ASB17: variants seen among roughly 807,000 people sequenced by gnomAD.
ASB17 encodes the protein ankyrin repeat and SOCS box protein 17.
Under a neutral mutation model 25.7 loss-of-function variants are expected in ASB17, and 26 were observed. That is an observed-to-expected ratio of 1.01 (90% CI 0.74 to 1.40). The LOEUF (loss-of-function observed/expected upper bound fraction) is 1.40, where lower values mean the gene tolerates loss of function less well. Among genes scored for constraint, ASB17 ranks in the 40% most tolerant of loss-of-function variants. ASB17 has a pLI of 0.00. For synonymous variants in ASB17, 128 were observed against 121.4 expected (o/e 1.05, Z -0.36); for missense variants, 326 against 338.5 (o/e 0.96, Z 0.29).
intron 1 of ASB17, among the ~76,000 whole-genome samples, chr1:75,926,937 G>A (rs1653188932): frequency 6.6e-6 from 1 of 152,098 alleles, no homozygotes; most frequent in Non-Finnish European, 1.5e-5. Flanking sequence ...TGGCCCCTCA[G>A]TATGGCAAAT....
intron 1 of ASB17, among the ~76,000 whole-genome samples, chr1:75,930,651 G>C (rs1192698919): frequency 6.6e-6 from 1 of 152,122 alleles, no homozygotes; most frequent in East Asian, 1.9e-4. Context: ...TTTTAAACCT[G>C]TCTTAAGACA....
intron 1 of ASB17, among the ~76,000 whole-genome samples, chr1:75,924,811 T>C (rs777154177): frequency 8.6e-5 from 13 of 151,396 alleles, no homozygotes; most frequent in Non-Finnish European, 1.8e-4. Flanking sequence ...TCCCCTGCCT[T>C]TTTTTTTCAA....
intron 2 of ASB17, 89 bp from the exon 3 acceptor site, chr1:75,919,247 G>T: frequency 5.6e-6 from 5 of 890,654 alleles, no homozygotes; most frequent in South Asian, 2.2e-5. Context: ...TTTAAATTTA[G>T]AAAATAGACC....
intron 1 of ASB17, among the ~76,000 whole-genome samples, chr1:75,924,250 T>C (rs537561908): frequency 5.5e-4 from 84 of 152,280 alleles, no homozygotes; most frequent in Non-Finnish European, 1.1e-3. Context: ...TTTTTCAAAC[T>C]ATTTTTGAAG....
At chr1:75,924,035 A>G (rs911793971) in intron 1 of ASB17, among the ~76,000 whole-genome samples, 2 of 152,176 alleles carry the variant, frequency 1.3e-5, no homozygotes, top group Non-Finnish European at 2.9e-5. Context: ...TCAGGGTACT[A>G]TAGAAGCACT....
chr1:75,926,108 C>A (rs1653166183), intron 1 of ASB17, among the ~76,000 whole-genome samples: 1 of 152,146 alleles, frequency 6.6e-6, no homozygotes, highest in Non-Finnish European at 1.5e-5. Context: ...TCAACAAATA[C>A]TGAATGCATA....
chr1:75,930,061 A>C (rs912415848), intron 1 of ASB17, among the ~76,000 whole-genome samples: 2 of 151,798 alleles, frequency 1.3e-5, no homozygotes, highest in Non-Finnish European at 2.9e-5. Context: ...TATAGAAGGG[A>C]GTTCAGAGCT....
In ASB17 at chr1:75,932,264, T is replaced by TA; in HGVS notation, c.27dup (p.Lys10Ter). On this transcript the variant is annotated frameshift_variant, in exon 1 of 3. Coordinates refer to ENST00000284142, the MANE Select transcript of ASB17 (RefSeq NM_080868.3). LOFTEE classifies it high-confidence loss of function. ...ATATTGCTTCTTGGACAAGAAGTCT[T>TA]ACCACATAATTTAGTAGATTTACTC... 6.2e-7 allele frequency: 1 copy of TA among 1,611,402 alleles called. No homozygotes were observed.
At chr1:75,925,842 A>T (rs1653156992) in intron 1 of ASB17, among the ~76,000 whole-genome samples, 1 of 152,086 alleles carries the variant, frequency 6.6e-6, no homozygotes, top group Admixed American at 6.6e-5. Context: ...GCTTCTCCAG[A>T]ATAATTTTAC....
chr1:75,924,478 T>C (rs1653115898), intron 1 of ASB17, among the ~76,000 whole-genome samples: 1 of 122,044 alleles, frequency 8.2e-6, no homozygotes, highest in African/African-American at 2.7e-5. Context: ...AATCAAGATG[T>C]AGTTTTTTGT....
chr1:75,924,740 G>A (rs899183953), intron 1 of ASB17, among the ~76,000 whole-genome samples: 1 of 151,714 alleles, frequency 6.6e-6, no homozygotes, highest in Non-Finnish European at 1.5e-5. Context: ...TTGGTATGCA[G>A]TTTCCCAAAC....
Position 75,919,043 on chromosome 1 carries a change from T to C in ASB17, c.797A>G (p.Asn266Ser), listed in dbSNP as rs1252953897. 3 of 1,612,346 alleles carry C rather than the reference T, an allele frequency of 1.9e-6. No homozygotes were observed. Among genetic ancestry groups the C allele is most frequent in the Non-Finnish European group, 1.7e-6 (2 of 1,178,604 alleles). The change falls in exon 3 of 3, where the codon AAT becomes AGT. Residue 266 changes from asparagine (N) to serine (S), a missense_variant. Transcript: ENST00000284142. ...LLHLCRLTIR[N>S]QLLTNNMLPD... ...GAGCATATTGTTGGTTAATAGTTGA[T>C]TCCTGATGGTTAGTCTGCAAAGATG...
rs191830921 is a variant in ASB17 at position 75,921,457 on chromosome 1, T to C, written c.681+623A>G. Among the ~76,000 whole-genome samples the C allele has an allele frequency of 9.7e-3, 1,484 of 152,310 alleles. 13 individuals carry two copies. Among genetic ancestry groups the C allele is most frequent in the Non-Finnish European group, 0.014 (944 of 68,020 alleles). The stretch of plus-strand genomic sequence containing the variant: ...TCTATTAAACGGACTTCTTTCTTGC[T>C]ACTAATGGGCATGATTCAATTTGAT... On this transcript the variant is annotated intron_variant, in intron 2 of 2. Coordinates refer to ENST00000284142, the MANE Select transcript of ASB17 (RefSeq NM_080868.3).
At chr1:75,922,505 T>TTG in intron 1 of ASB17, 146 bp from the exon 2 acceptor site, 1 of 641,496 alleles carries the variant, frequency 1.6e-6, no homozygotes, top group South Asian at 3.8e-5. Context: ...TTTTTTTTTT[T>TTG]TTTTTTTTGA....
chr1:75,929,153 C>A (rs1234694132), intron 1 of ASB17, among the ~76,000 whole-genome samples: 2 of 152,082 alleles, frequency 1.3e-5, no homozygotes, highest in African/African-American at 4.8e-5. Context: ...GAGAGTAATA[C>A]AAGATGGGGT....
rs564123692 is a variant in ASB17 at position 75,928,303 on chromosome 1, A to G, written c.401+3588T>C. Among the ~76,000 whole-genome samples, 3 of 152,308 alleles carry G rather than the reference A, an allele frequency of 2.0e-5. No individual in the cohort carries two copies. The South Asian group carries it at 6.2e-4, about 32-fold the overall frequency. On this transcript the variant is annotated intron_variant, in intron 1 of 2. Coordinates refer to ENST00000284142, the MANE Select transcript of ASB17 (RefSeq NM_080868.3). ...GTGTCTACTTTGTTTTTGTATCCCC[A>G]ATAAATAACATAGTGTCTGGCACTT... is the stretch of plus-strand genomic sequence containing the variant.
Position 75,932,203 on chromosome 1 carries a change from G to A in ASB17, c.89C>T (p.Pro30Leu), listed in dbSNP as rs754012654. The A allele has an allele frequency of 6.2e-7, 1 of 1,613,878 alleles. No homozygotes were observed. Among genetic ancestry groups the A allele is most frequent in the South Asian group, 1.1e-5 (1 of 91,044 alleles). ...CCACTGACCCAAAAACTGTAGGGAGGGTCTTTTAACAATTTTGTCAAGGAG... is the reference window on the plus strand; with the variant it reads ...CCACTGACCCAAAAACTGTAGGGAGAGTCTTTTAACAATTTTGTCAAGGAG... The part of the protein sequence containing the change: ...CNLLDKIVKR[P>L]SLQFLGQWGY... The change falls in exon 1 of 3, where the codon CCC becomes CTC. Residue 30 changes from proline to leucine, a missense_variant. Physicochemically the swap from Pro to Leu is moderately conservative, Grantham distance 98. Coordinates refer to ENST00000284142, the MANE Select transcript of ASB17 (RefSeq NM_080868.3).
At chr1:75,930,705 T>C (rs1423219402) in intron 1 of ASB17, among the ~76,000 whole-genome samples, 3 of 152,154 alleles carry the variant, frequency 2.0e-5, no homozygotes, top group African/African-American at 4.8e-5. Context: ...TTTCTCTTTG[T>C]TTCATTTTCT....
chr1:75,919,282 T>C (rs924502669), intron 2 of ASB17, 124 bp from the exon 3 acceptor site: 1 of 666,430 alleles, frequency 1.5e-6, no homozygotes, highest in Non-Finnish European at 2.3e-6. Flanking sequence ...CCCTTATAAC[T>C]TTTTTCCAAA....
Sources: allele counts gnomAD v4.1 joint callset (sites outside exome capture counted in the v4.1 genomes callset), GRCh38; gene constraint gnomAD v4.1.1; transcripts MANE v1.5; gene names NCBI Gene and HGNC (gene_info 2026-07-23, HGNC 2026-07-21).